The following ACSL6 variants were observed in gnomAD, a reference collection of about 807,000 sequenced individuals.
The protein encoded by ACSL6 is long-chain-fatty-acid--CoA ligase 6.
A neutral mutation model predicts 98.2 loss-of-function variants in ACSL6; 47 were observed. The ratio of observed to expected loss-of-function variants is 0.48; its 90% CI spans 0.38 to 0.61. The LOEUF (loss-of-function observed/expected upper bound fraction) is 0.61, where lower values mean the gene tolerates loss of function less well. Ranked by LOEUF, ACSL6 falls within the 20% of genes least tolerant of loss-of-function variation. The probability of loss-of-function intolerance (pLI) is 0.00; values close to 1 mark genes in which losing one functional copy is unlikely to be tolerated. For missense variants in ACSL6, 761 were observed against 913.4 expected (o/e 0.83, Z 2.15); for synonymous variants, 362 against 336.9 (o/e 1.07, Z -0.82).
chr5:131,967,385 C>T (rs1269064213), intron 16 of ACSL6, among the ~76,000 whole-genome samples: 3 of 151,756 alleles, frequency 2.0e-5, no homozygotes, highest in Non-Finnish European at 2.9e-5. Flanking sequence ...AATTAAGGGC[C>T]AGGCACGGTG....
At position 131,973,377 on chromosome 5, in the gene ACSL6, C is replaced by T. The variant is rs183236248; in HGVS notation, c.1092G>A (p.Gly364=). Residue 364 remains glycine, a synonymous_variant, in exon 12 of 21, where the codon GGG becomes GGA. Coordinates refer to ENST00000651883, the MANE Select transcript of ACSL6 (RefSeq NM_001009185.3). The part of the protein sequence containing the change: ...VIQSVVYCHG[G]RVGFFQGDIR... ...TATCTCCCTGGAAGAAGCCAACACG[C>T]CCTCCGTGGCAATAGACGACAGACT... 9 of 1,614,142 alleles carry T rather than the reference C, an allele frequency of 5.6e-6. No individual in the cohort carries two copies. In the East Asian group the frequency reaches 6.7e-5, roughly 12 times the overall value.
rs755810148 is a variant in ACSL6 at position 131,966,529 on chromosome 5, A to T, written c.1600T>A (p.Cys534Ser). The T allele has an allele frequency of 6.2e-7, 1 of 1,613,874 alleles. No homozygotes were observed. Residue 534 changes from cysteine to serine, a missense_variant, in exon 17 of 21, where the codon TGT becomes AGT. Coordinates refer to ENST00000651883, the MANE Select transcript of ACSL6 (RefSeq NM_001009185.3). ...TTGAACACATTTGGTCCTCTCACAC[A>T]TATCTATGGGACAAAAACCATGGCT... ...YWACKGEGEI[C>S]VRGPNVFKGY... is the part of the protein sequence containing the mutation.
intron 1 of ACSL6, chr5:132,001,887 C>G (rs151325843): frequency 2.6e-5 from 4 of 152,278 alleles, no homozygotes; most frequent in African/African-American, 9.6e-5. Flanking sequence ...ACAATGCTTT[C>G]AGGAACTTTA....
intron 9 of ACSL6, among the ~76,000 whole-genome samples, chr5:131,978,383 T>A (rs565716429): frequency 1.3e-5 from 2 of 152,266 alleles, no homozygotes; most frequent in Admixed American, 1.3e-4. Flanking sequence ...CCCAAAACCA[T>A]CTTTCAACTT....
intron 19 of ACSL6, among the ~76,000 whole-genome samples, chr5:131,960,005 T>C (rs1418988342): frequency 6.6e-6 from 1 of 152,166 alleles, no homozygotes; most frequent in Non-Finnish European, 1.5e-5. Flanking sequence ...GGCGACCTCC[T>C]CCACAGAGTT....
rs893867753 is a variant in ACSL6, at chr5:131,990,832, C to A, written c.385+21G>T. On this transcript the variant is annotated intron_variant, in intron 3 of 20. Coordinates refer to ENST00000651883, the MANE Select transcript of ACSL6 (RefSeq NM_001009185.3). The stretch of plus-strand genomic sequence containing the variant: ...CCCTGCCACACAGCCCCTCCACACC[C>A]CCCCCCACAACCCTTCTCACCTGAG... 8 of 1,606,452 alleles carry A rather than the reference C, an allele frequency of 5.0e-6. No individual in the cohort carries two copies. The Admixed American group carries it at 6.7e-5, about 13-fold the overall frequency.
At chr5:131,979,728 T>C (rs545319091) in intron 9 of ACSL6, among the ~76,000 whole-genome samples, 58 of 152,222 alleles carry the variant, frequency 3.8e-4, no homozygotes, top group Non-Finnish European at 6.8e-4. Flanking sequence ...GACTGAAAGG[T>C]TGCAGAATCA....
At position 131,973,142 on chromosome 5, in the gene ACSL6, A is replaced by G. The variant is rs1753408309; in HGVS notation, c.1203+124T>C. 1.0e-5 allele frequency: 13 copies of G among 1,293,292 alleles called. No homozygotes were observed. In the South Asian group the frequency reaches 1.8e-4, roughly 18 times the overall value. The allele number at this position is 1,293,292 out of a possible 1,614,324, so 80.1% of individuals were successfully genotyped here. On this transcript the variant is annotated intron_variant, in intron 12 of 20. Transcript: ENST00000651883. Reference sequence around the variant, plus strand: ...ATGAGAAAGAGTCAGGAACTACAAGAGAGGAGGCAAGTTCCAGGACTTGGC... The same window carrying G: ...ATGAGAAAGAGTCAGGAACTACAAGGGAGGAGGCAAGTTCCAGGACTTGGC...
chr5:131,982,745 T>A (rs1047045691), intron 9 of ACSL6: 7 of 152,308 alleles, frequency 4.6e-5, no homozygotes, highest in African/African-American at 1.4e-4. Flanking sequence ...CAGCTACAGA[T>A]CTTTCAGGAC....
Position 131,994,181 on chromosome 5 carries a change from T to C in ACSL6, c.120A>G (p.Leu40=), listed in dbSNP as rs1205465819. The C allele has an allele frequency of 1.2e-6, 2 of 1,614,204 alleles. No individual in the cohort carries two copies. The highest frequency in any genetic ancestry group is 1.7e-5 in the Admixed American group (1 of 60,024). Residue 40 remains leucine, a synonymous_variant, in exon 2 of 21, where the codon CTA becomes CTG. Transcript: ENST00000651883. ...TGCGGAAAAACTGTCCCAAGTCACC[T>C]AGCTCAGGCAGTCGCAGTATCCTCA... is the stretch of plus-strand genomic sequence containing the variant. ...EILRILRLPE[L]GDLGQFFRSL... is the part of the protein sequence containing the mutation.
chr5:132,011,751 A>T, upstream of ACSL6: 1 of 1,299,692 alleles, frequency 7.7e-7, no homozygotes, highest in Non-Finnish European at 9.8e-7. This position sits in a 1 kb window ranked among gnomAD's most constrained non-coding sequence, Gnocchi z 5.4. Flanking sequence ...CGCGGCGCGC[A>T]CTCGCAACCG....
In ACSL6 at chr5:131,962,678, C is replaced by T. The variant is rs773386832; in HGVS notation, c.1714G>A (p.Ala572Thr). The T allele has an allele frequency of 6.2e-7, 1 of 1,613,930 alleles. No individual in the cohort carries two copies. Among genetic ancestry groups the T allele is most frequent in the South Asian group, 1.1e-5 (1 of 91,046 alleles). The change falls in exon 18 of 21, where the codon GCA (alanine) becomes ACA (threonine). Residue 572 changes from alanine (A) to threonine (T), a missense_variant and splice_region_variant. Transcript: ENST00000651883. The stretch of plus-strand genomic sequence containing the variant: ...CGATCAATAATTTTAAGAGTTCCTG[C>T]CTGTAGAGTTGGACAAACAGCTTTA... ...HTGDIGKWLP[A>T]GTLKIIDRKK...
intron 4 of ACSL6, 75 bp from the exon 5 acceptor site, chr5:131,989,583 C>CTTT (rs57391438): frequency 3.6e-4 from 65 of 180,618 alleles, no homozygotes; most frequent in South Asian, 6.6e-4. Context: ...AGGAGGAATT[C>CTTT]TTTTTTTTTT....
intron 1 of ACSL6, among the ~76,000 whole-genome samples, chr5:132,010,455 T>C (rs1371005935): frequency 6.6e-6 from 1 of 152,204 alleles, no homozygotes; most frequent in Non-Finnish European, 1.5e-5. Context: ...GGGTTTTCCA[T>C]GAATATTAAA....
chr5:131,987,769 A>G (rs1193607086), intron 7 of ACSL6, among the ~76,000 whole-genome samples: 1 of 152,104 alleles, frequency 6.6e-6, no homozygotes, highest in African/African-American at 2.4e-5. Flanking sequence ...CTGTGTGAGT[A>G]CCTCTGAGGT....
chr5:131,981,225 C>G (rs1358072474), intron 9 of ACSL6, among the ~76,000 whole-genome samples: 1 of 151,468 alleles, frequency 6.6e-6, no homozygotes, highest in Non-Finnish European at 1.5e-5. Flanking sequence ...ATAAGAAACA[C>G]TTTCAGGATC....
At position 131,988,159 on chromosome 5, in the gene ACSL6, C is replaced by A; in HGVS notation, c.720G>T (p.Arg240Ser). 1 of 1,614,208 alleles carries A rather than the reference C, an allele frequency of 6.2e-7. No homozygotes were observed. Among genetic ancestry groups the A allele is most frequent in the Non-Finnish European group, 8.5e-7 (1 of 1,180,022 alleles). Residue 240 changes from arginine (R) to serine (S), a missense_variant, in exon 7 of 21, where the codon AGG (arginine) becomes AGT (serine). Arg to Ser is a moderately radical substitution (Grantham distance 110). Transcript: ENST00000651883. ...KAVLLLEHVE[R>S]KETPGLKLII... ...TCAGCTTGAGGCCTGGAGTCTCCTT[C>A]CTCTCCACATGCTCTAGCAGAAGCA...
intron 1 of ACSL6, among the ~76,000 whole-genome samples, chr5:132,002,473 C>T (rs1755139129): frequency 6.6e-6 from 1 of 152,036 alleles, no homozygotes; most frequent in Non-Finnish European, 1.5e-5. Flanking sequence ...AGGGAAGCTC[C>T]TTGAAGTAGG....
At chr5:131,998,848 T>C (rs1409901695) in intron 1 of ACSL6, among the ~76,000 whole-genome samples, 3 of 152,172 alleles carry the variant, frequency 2.0e-5, no homozygotes, top group Non-Finnish European at 2.9e-5. Flanking sequence ...TGGCTTCCTA[T>C]TGCCTTAGGA....
Sources: allele counts gnomAD v4.1 joint callset (sites outside exome capture counted in the v4.1 genomes callset), GRCh38; gene constraint gnomAD v4.1.1; non-coding constraint Gnocchi (gnomAD v3.1); transcripts MANE v1.5; gene names NCBI Gene and HGNC (gene_info 2026-07-23, HGNC 2026-07-21).